The following ZNF462 variants were observed in gnomAD, a reference collection of about 807,000 sequenced individuals.
ZNF462 encodes zinc finger protein 462, also known as zinc finger PBX1-interacting protein.
Under a neutral mutation model 201.9 loss-of-function variants are expected in ZNF462, and 10 were observed. That is an observed-to-expected ratio of 0.05 (90% CI 0.03 to 0.08). The LOEUF is 0.08. Among genes scored for constraint, ZNF462 ranks in the 10% least tolerant of loss-of-function variants. ZNF462 has a pLI of 1.00. For missense variants in ZNF462, 2,523 were observed against 3,168.3 expected (o/e 0.80, Z 4.89); for synonymous variants, 1,227 against 1,193.3 (o/e 1.03, Z -0.58).
rs192208123 is a variant in ZNF462, at chr9:107,009,931, T to G, written c.7313+263T>G. ...CTCAAGCCTGTGTGCAGAAGTATAG[T>G]GTTTTCTCCAGCCAATATCCCTTTA... On this transcript the variant is annotated intron_variant, in intron 12 of 12. Coordinates refer to ENST00000277225, the MANE Select transcript of ZNF462 (RefSeq NM_021224.6). This position sits in a 1 kb window ranked among gnomAD's most constrained non-coding sequence, Gnocchi z 6.1. Among the ~76,000 whole-genome samples, 1 of 152,174 alleles carries G rather than the reference T, an allele frequency of 6.6e-6. No individual in the cohort carries two copies. Among genetic ancestry groups the G allele is most frequent in the African/African-American group, 2.4e-5 (1 of 41,448 alleles).
intron 7 of ZNF462, among the ~76,000 whole-genome samples, chr9:106,948,661 GT>G (rs111870565): frequency 2.6e-3 from 376 of 144,594 alleles, no homozygotes; most frequent in African/African-American, 6.9e-3. Flanking sequence ...ATTTAGTTTA[GT>G]TTTTTTTTTT....
At chr9:106,943,051 TGCGC>T (rs757008438) in intron 7 of ZNF462, among the ~76,000 whole-genome samples, 6 of 145,312 alleles carry the variant, frequency 4.1e-5, no homozygotes, top group African/African-American at 1.3e-4. Flanking sequence ...AGTTTTGTTT[TGCGC>T]GCGCGTGTGT....
chr9:106,992,872 A>G (rs531223883), intron 10 of ZNF462, among the ~76,000 whole-genome samples: 2 of 152,222 alleles, frequency 1.3e-5, no homozygotes, highest in Admixed American at 6.5e-5. Flanking sequence ...CAAGTTTCCC[A>G]TAACCCAACA....
At position 106,974,410 on chromosome 9, in the gene ZNF462, G is replaced by A. The variant is rs763945811; in HGVS notation, c.6832+137G>A. ...TTATCTTCAGGCAAGAAACCACAGTGATAACCACAGTGACAGCCAAAAGGG... is the reference window on the plus strand; with the variant it reads ...TTATCTTCAGGCAAGAAACCACAGTAATAACCACAGTGACAGCCAAAAGGG... On this transcript the variant is annotated intron_variant, in intron 9 of 12. Coordinates refer to ENST00000277225, the MANE Select transcript of ZNF462 (RefSeq NM_021224.6). This position sits in a 1 kb window ranked among gnomAD's most constrained non-coding sequence, Gnocchi z 4.0. 7 of 1,357,464 alleles carry A rather than the reference G, an allele frequency of 5.2e-6. No homozygotes were observed. The Admixed American group carries it at 1.0e-4, about 20-fold the overall frequency. The allele number at this position is 1,357,464 out of a possible 1,614,324, so 84.1% of individuals were successfully genotyped here.
chr9:106,985,568 G>A (rs758555093), intron 10 of ZNF462, among the ~76,000 whole-genome samples: 3 of 152,160 alleles, frequency 2.0e-5, no homozygotes, highest in Non-Finnish European at 2.9e-5. Flanking sequence ...AATGACAAGA[G>A]CCTATCAAAA....
chr9:106,925,510 T>C lies in ZNF462; in HGVS notation c.1598T>C (p.Met533Thr), dbSNP rs1830154864. The change falls in exon 3 of 13, where the codon ATG (methionine) becomes ACG (threonine). Residue 533 changes from methionine to threonine, a missense_variant. Met to Thr is a moderately conservative substitution (Grantham distance 81). Transcript: ENST00000277225. The surrounding 1 kb of genome is among the most constrained non-coding windows in gnomAD (Gnocchi z 7.9). ...ATCAATGGTAGAAAGTCAGGAGTCA[T>C]GTTGGATCCCTTGCAGCAGCAACAG... ...SSINGRKSGV[M>T]LDPLQQQQPP... The C allele has an allele frequency of 5.0e-6, 8 of 1,614,076 alleles. No homozygotes were observed. The East Asian group carries it at 6.7e-5, about 13-fold the overall frequency.
intron 10 of ZNF462, among the ~76,000 whole-genome samples, chr9:106,995,863 C>T (rs561318024): frequency 4.6e-5 from 7 of 152,234 alleles, no homozygotes; most frequent in East Asian, 1.9e-4. Flanking sequence ...ATGTGCACAA[C>T]GTGCAGGTTT....
At chr9:106,894,374 G>T (rs559370698) in intron 1 of ZNF462, among the ~76,000 whole-genome samples, 1 of 152,350 alleles carries the variant, frequency 6.6e-6, no homozygotes, top group South Asian at 2.1e-4. Flanking sequence ...CTCTATTACA[G>T]AGAGAAGATA....
chr9:106,985,096 A>C (rs1827734914), intron 10 of ZNF462, among the ~76,000 whole-genome samples: 1 of 152,144 alleles, frequency 6.6e-6, no homozygotes, highest in Non-Finnish European at 1.5e-5. Flanking sequence ...GGGCGACAAA[A>C]AAAGAAAGAA....
At chr9:106,896,555 A>G (rs1197948663) in intron 1 of ZNF462, among the ~76,000 whole-genome samples, 1 of 152,160 alleles carries the variant, frequency 6.6e-6, no homozygotes, top group African/African-American at 2.4e-5. Flanking sequence ...ATTGCTTCTA[A>G]TATTTCCTGG....
At position 107,009,537 on chromosome 9, in the gene ZNF462, C is replaced by T. The variant is rs773847544; in HGVS notation, c.7190-8C>T. On this transcript the variant is annotated splice_region_variant and splice_polypyrimidine_tract_variant and intron_variant, in intron 11 of 12. Transcript: ENST00000277225. The surrounding 1 kb of genome is among the most constrained non-coding windows in gnomAD (Gnocchi z 6.1). ...CACACAGGTAACACTTCTGCTTTCTCTTTGCAGAGCTGATGAGATTTTCTG... is the reference window on the plus strand; with the variant it reads ...CACACAGGTAACACTTCTGCTTTCTTTTTGCAGAGCTGATGAGATTTTCTG... The T allele has an allele frequency of 1.2e-6, 2 of 1,613,666 alleles. No homozygotes were observed. The highest frequency in any genetic ancestry group is 1.7e-6 in the Non-Finnish European group (2 of 1,179,852).
intron 7 of ZNF462, among the ~76,000 whole-genome samples, chr9:106,953,339 G>A (rs1031808526): frequency 6.6e-6 from 1 of 152,000 alleles, no homozygotes; most frequent in Non-Finnish European, 1.5e-5. Flanking sequence ...CCTCTCTCTG[G>A]AATTCCTTGC....
In ZNF462 at chr9:106,972,371, G is replaced by A; in HGVS notation, c.6695+99G>A. The A allele has an allele frequency of 6.7e-7, 1 of 1,499,224 alleles. No individual in the cohort carries two copies. The highest frequency in any genetic ancestry group is 9.0e-7 in the Non-Finnish European group (1 of 1,117,304). 92.9% of individuals were successfully genotyped at this position (1,499,224 alleles called of 1,614,324 possible). A position where few individuals can be genotyped will look rare whatever the true frequency, so the allele number is the denominator to read the frequency against. ...TACACTTTCCTACTTGGAGCTTATG[G>A]GAGGCCCTGCCCATGTGATGATGTA... On this transcript the variant is annotated intron_variant, in intron 8 of 12. Transcript: ENST00000277225. This position sits in a 1 kb window ranked among gnomAD's most constrained non-coding sequence, Gnocchi z 4.8.
rs1303696475 is a variant in ZNF462 at position 106,933,408 on chromosome 9, C to G, written c.6116+859C>G. 1.3e-5 allele frequency among the ~76,000 whole-genome samples: 2 copies of G among 152,126 alleles called. No homozygotes were observed. Among genetic ancestry groups the G allele is most frequent in the Non-Finnish European group, 2.9e-5 (2 of 68,024 alleles). On this transcript the variant is annotated intron_variant, in intron 5 of 12. Transcript: ENST00000277225. The surrounding 1 kb of genome is among the most constrained non-coding windows in gnomAD (Gnocchi z 4.3). ...TTTATTATTATACAGAGCCTAATATCTAATCTTTGTCATCAGATCCATACA... is the reference window on the plus strand; with the variant it reads ...TTTATTATTATACAGAGCCTAATATGTAATCTTTGTCATCAGATCCATACA...
Position 106,923,503 on chromosome 9 carries a change from T to G in ZNF462, c.120T>G (p.Asn40Lys). The change falls in exon 2 of 13, where the codon AAT becomes AAG. Residue 40 changes from asparagine (N) to lysine (K), a missense_variant. Coordinates refer to ENST00000277225, the MANE Select transcript of ZNF462 (RefSeq NM_021224.6). The surrounding 1 kb of genome is among the most constrained non-coding windows in gnomAD (Gnocchi z 5.6). The part of the protein sequence containing the change: ...FLQPTDVAED[N>K]VNELRCGSVN... ...AGCCAACTGATGTTGCTGAGGACAA[T>G]GTGAATGAGCTACGATGTGGGTCCG... The G allele has an allele frequency of 6.2e-7, 1 of 1,614,178 alleles. No homozygotes were observed. Among genetic ancestry groups the G allele is most frequent in the Non-Finnish European group, 8.5e-7 (1 of 1,180,026 alleles).
chr9:106,908,466 C>T (rs1186995404), intron 1 of ZNF462, among the ~76,000 whole-genome samples: 1 of 151,994 alleles, frequency 6.6e-6, no homozygotes, highest in African/African-American at 2.4e-5. Flanking sequence ...TAACATTAAT[C>T]ATGATTTCTT....
In ZNF462 at chr9:106,981,578, C is replaced by T. The variant is rs372934140; in HGVS notation, c.6833-2608C>T. Among the ~76,000 whole-genome samples, 20 of 152,262 alleles carry T rather than the reference C, an allele frequency of 1.3e-4. No individual in the cohort carries two copies. In the South Asian group the frequency reaches 3.7e-3, roughly 28 times the overall value. On this transcript the variant is annotated intron_variant, in intron 9 of 12. Transcript: ENST00000277225. The surrounding 1 kb of genome is among the most constrained non-coding windows in gnomAD (Gnocchi z 4.0). ...GTAGAACACCTAACGGTGCTTGAACCGTAGCGAGCACTTAATAGTCTGCAG... is the reference window on the plus strand; with the variant it reads ...GTAGAACACCTAACGGTGCTTGAACTGTAGCGAGCACTTAATAGTCTGCAG...
chr9:106,901,312 G>A (rs753304920), intron 1 of ZNF462, among the ~76,000 whole-genome samples: 15 of 152,082 alleles, frequency 9.9e-5, no homozygotes, highest in Admixed American at 2.6e-4. Flanking sequence ...CTGTTTTGGT[G>A]ACTATGCCCT....
At chr9:106,915,384 T>C (rs980909611) in intron 1 of ZNF462, among the ~76,000 whole-genome samples, 1 of 152,182 alleles carries the variant, frequency 6.6e-6, no homozygotes, top group African/African-American at 2.4e-5. Flanking sequence ...GGTGGACAAA[T>C]GTCTAAGCTT....
Sources: allele counts gnomAD v4.1 joint callset (sites outside exome capture counted in the v4.1 genomes callset), GRCh38; gene constraint gnomAD v4.1.1; non-coding constraint Gnocchi (gnomAD v3.1); transcripts MANE v1.5; gene names NCBI Gene and HGNC (gene_info 2026-07-23, HGNC 2026-07-21).